Variants in CTNND1 observed in about 807,000 individuals in gnomAD.
CTNND1 encodes the protein catenin delta 1, also known as catenin delta-1.
Under a neutral mutation model 112.1 loss-of-function variants are expected in CTNND1, and 16 were observed. The observed-to-expected ratio is 0.14, with a 90% CI of 0.10 to 0.22. The LOEUF is 0.22. Among genes scored for constraint, CTNND1 ranks in the 10% least tolerant of loss-of-function variants. The pLI is 1.00. For synonymous variants in CTNND1, 420 were observed against 446.5 expected (o/e 0.94, Z 0.75); for missense variants, 1,008 against 1,257.0 (o/e 0.80, Z 3.00).
chr11:57,771,353 T>C (rs1301978474), intron 1 of CTNND1, among the ~76,000 whole-genome samples: 1 of 152,088 alleles, frequency 6.6e-6, no homozygotes, highest in Non-Finnish European at 1.5e-5. Context: ...GGTAATATTA[T>C]TGAGAAAAAA....
chr11:57,791,418 C>A lies in CTNND1; in HGVS notation c.-61C>A. On this transcript the variant is annotated 5_prime_UTR_variant, in exon 3 of 21. Transcript: ENST00000399050. ...GAGGGGGTCTCTCTCCCTCCTTCTC[C>A]TTCCTCTGTGATTCACCTTCCTTTT... 7.2e-7 allele frequency: 1 copy of A among 1,390,458 alleles called. No homozygotes were observed. The highest frequency in any genetic ancestry group is 9.4e-7 in the Non-Finnish European group (1 of 1,065,906). 86.1% of individuals were successfully genotyped at this position (1,390,458 alleles called of 1,614,324 possible).
chr11:57,781,198 A>G (rs374808038), intron 1 of CTNND1, among the ~76,000 whole-genome samples: 1 of 152,114 alleles, frequency 6.6e-6, no homozygotes, highest in Non-Finnish European at 1.5e-5. Context: ...CAGCCTCCCA[A>G]AGTGCTGGGA....
intron 16 of CTNND1, 88 bp from the exon 17 acceptor site, chr11:57,811,311 T>G: frequency 9.6e-7 from 1 of 1,037,562 alleles, no homozygotes; most frequent in Non-Finnish European, 1.4e-6. Flanking sequence ...TATTTGGGAA[T>G]AGGAACCTAG....
At chr11:57,773,579 G>A (rs1252037891) in intron 1 of CTNND1, among the ~76,000 whole-genome samples, 1 of 150,976 alleles carries the variant, frequency 6.6e-6, no homozygotes, top group Non-Finnish European at 1.5e-5. Context: ...AGCCTCCTGA[G>A]TAGCTGGGAT....
At chr11:57,779,046 G>T (rs2059305415) in intron 1 of CTNND1, among the ~76,000 whole-genome samples, 1 of 152,202 alleles carries the variant, frequency 6.6e-6, no homozygotes, top group Non-Finnish European at 1.5e-5. Flanking sequence ...GCTATTCTTT[G>T]TGGATCTCTA....
intron 1 of CTNND1, among the ~76,000 whole-genome samples, chr11:57,785,829 G>C (rs1591369502): frequency 6.6e-6 from 1 of 152,020 alleles, no homozygotes; most frequent in Admixed American, 6.5e-5. Context: ...TTACAGGCTT[G>C]AGCCACCACG....
At chr11:57,776,189 A>G (rs67812265) in intron 1 of CTNND1, among the ~76,000 whole-genome samples, 5,334 of 152,282 alleles carry the variant, frequency 0.035, 121 homozygotes, top group Non-Finnish European at 0.055. Flanking sequence ...CCTACTGACC[A>G]GTCAATTGTA....
At chr11:57,800,689 T>C (rs1216011336) in intron 6 of CTNND1, among the ~76,000 whole-genome samples, 1 of 152,232 alleles carries the variant, frequency 6.6e-6, no homozygotes, top group Non-Finnish European at 1.5e-5. Flanking sequence ...CAGGGCAACC[T>C]TGAGTATTTG....
chr11:57,777,884 A>G (rs1202752048), intron 1 of CTNND1, among the ~76,000 whole-genome samples: 1 of 152,128 alleles, frequency 6.6e-6, no homozygotes, highest in African/African-American at 2.4e-5. Context: ...CTCTGTTTGC[A>G]TTTTTGCTTC....
chr11:57,799,979 G>GTTTTTTTTTT (rs1157141511), intron 6 of CTNND1, among the ~76,000 whole-genome samples: 14 of 58,834 alleles, frequency 2.4e-4, no homozygotes, highest in Non-Finnish European at 3.1e-4. Flanking sequence ...TTGTTTCCGT[G>GTTTTTTTTTT]TTTTTTTTTT....
intron 3 of CTNND1, 104 bp downstream of exon 3, chr11:57,791,777 C>T (rs111358036): frequency 1.8e-5 from 22 of 1,243,040 alleles, no homozygotes; most frequent in Middle Eastern, 4.1e-4. Context: ...ATGGGCTGTC[C>T]AGTGCCCGTT....
chr11:57,812,026 C>T (rs1484226714), intron 17 of CTNND1, among the ~76,000 whole-genome samples: 2 of 151,852 alleles, frequency 1.3e-5, no homozygotes, highest in African/African-American at 4.8e-5. Flanking sequence ...TGGCTTTTTC[C>T]TTGATTATTG....
rs2064034681 is a variant in CTNND1 at position 57,817,258 on chromosome 11, C to G, written c.*950C>G. ...ACTCCCCCGTTTCTCCTTTTCCTAT[C>G]CTTATAGGCCTGTCCCTTGCCTCTG... On this transcript the variant is annotated 3_prime_UTR_variant, in exon 21 of 21. Transcript: ENST00000399050. The G allele has an allele frequency of 1.3e-5, 2 of 152,904 alleles. No homozygotes were observed. Among genetic ancestry groups the G allele is most frequent in the Non-Finnish European group, 2.9e-5 (2 of 68,270 alleles). 9.5% of individuals were successfully genotyped at this position (152,904 alleles called of 1,614,324 possible).
chr11:57,772,646 C>T (rs2136098854), intron 1 of CTNND1, among the ~76,000 whole-genome samples: 1 of 152,278 alleles, frequency 6.6e-6, no homozygotes, highest in East Asian at 1.9e-4. Context: ...GAAGAAGCAC[C>T]AACTATTTAG....
At chr11:57,812,049 T>C (rs546064946) in intron 17 of CTNND1, among the ~76,000 whole-genome samples, 176 of 152,336 alleles carry the variant, frequency 1.2e-3, no homozygotes, top group African/African-American at 4.1e-3. Flanking sequence ...TCTTAAAGTG[T>C]GGTCTGAGAG....
At chr11:57,810,328 A>G (rs2063181838) in intron 16 of CTNND1, 105 bp downstream of exon 16, 1 of 742,986 alleles carries the variant, frequency 1.3e-6, no homozygotes, top group Non-Finnish European at 2.0e-6. Flanking sequence ...TGCTAAACCT[A>G]TTTTTTTTTT....
intron 1 of CTNND1, among the ~76,000 whole-genome samples, chr11:57,773,525 C>A (rs1441785833): frequency 6.6e-6 from 1 of 151,144 alleles, no homozygotes; most frequent in African/African-American, 2.4e-5. Context: ...GACCTCGGCT[C>A]ACTGCAACCT....
At chr11:57,785,909 C>T (rs1470908825) in intron 1 of CTNND1, among the ~76,000 whole-genome samples, 1 of 151,840 alleles carries the variant, frequency 6.6e-6, no homozygotes, top group Admixed American at 6.6e-5. Context: ...TTGTTTGGTC[C>T]TTCTGGGTAT....
At chr11:57,775,632 A>G (rs1048214799) in intron 1 of CTNND1, among the ~76,000 whole-genome samples, 2 of 151,718 alleles carry the variant, frequency 1.3e-5, no homozygotes, top group African/African-American at 4.8e-5. Flanking sequence ...TAGCTGGACA[A>G]TTTGTTTAAA....
Sources: allele counts gnomAD v4.1 joint callset (sites outside exome capture counted in the v4.1 genomes callset), GRCh38; gene constraint gnomAD v4.1.1; transcripts MANE v1.5; gene names NCBI Gene and HGNC (gene_info 2026-07-23, HGNC 2026-07-21).